MOXD1: variants seen among roughly 807,000 people sequenced by gnomAD.
MOXD1 encodes monooxygenase DBH like 1, also known as DBH-like monooxygenase protein 1.
MOXD1 carries 62 observed loss-of-function variants against 66.6 expected under a neutral mutation model. The observed-to-expected ratio is 0.93, with a 90% CI of 0.76 to 1.15. The LOEUF is 1.15. Among genes scored for constraint, MOXD1 ranks in the 50% most tolerant of loss-of-function variants. MOXD1 has a pLI of 0.00. For synonymous variants in MOXD1, 303 were observed against 281.9 expected, an observed-to-expected ratio of 1.07 and a Z score of -0.75; for missense variants, 847 against 754.6, an observed-to-expected ratio of 1.12 and a Z score of -1.44.
At chr6:132,349,736 C>A (rs1246066996) in intron 4 of MOXD1, among the ~76,000 whole-genome samples, 1 of 151,870 alleles carries the variant, frequency 6.6e-6, no homozygotes, top group Non-Finnish European at 1.5e-5. Flanking sequence ...TACATTCCCA[C>A]CAGCAGTGTA....
At chr6:132,388,346 A>G (rs1017586679) in intron 1 of MOXD1, among the ~76,000 whole-genome samples, 4 of 151,486 alleles carry the variant, frequency 2.6e-5, no homozygotes, top group Non-Finnish European at 5.9e-5. Context: ...GGGCCACACA[A>G]TGAATAAGCA....
chr6:132,325,212 A>G (rs1036773758), intron 6 of MOXD1: 1 of 152,190 alleles, frequency 6.6e-6, no homozygotes, highest in Non-Finnish European at 1.5e-5. Context: ...CAGGGTCATC[A>G]CAAGGAAGCA....
At chr6:132,363,371 T>A (rs1776053809) in intron 4 of MOXD1, among the ~76,000 whole-genome samples, 1 of 152,130 alleles carries the variant, frequency 6.6e-6, no homozygotes. Context: ...TGTATATCTG[T>A]TATACCTCAA....
At chr6:132,382,978 T>G (rs189565428) in intron 1 of MOXD1, among the ~76,000 whole-genome samples, 272 of 152,290 alleles carry the variant, frequency 1.8e-3, no homozygotes, top group Middle Eastern at 6.8e-3. Context: ...AAGTAAAAAC[T>G]CTTACGGGTA....
At chr6:132,378,577 C>T (rs891507112) in intron 1 of MOXD1, among the ~76,000 whole-genome samples, 2 of 151,930 alleles carry the variant, frequency 1.3e-5, no homozygotes, top group African/African-American at 4.8e-5. Context: ...AATGGAGAAA[C>T]ATCACAATAG....
At chr6:132,344,959 G>A (rs763603343) in intron 4 of MOXD1, among the ~76,000 whole-genome samples, 11 of 152,116 alleles carry the variant, frequency 7.2e-5, no homozygotes, top group East Asian at 3.8e-4. Flanking sequence ...CCCAGGACCC[G>A]CCAAACAGCA....
intron 11 of MOXD1, 47 bp from the exon 12 acceptor site, chr6:132,297,364 C>A: frequency 6.3e-7 from 1 of 1,589,930 alleles, no homozygotes; most frequent in South Asian, 1.1e-5. Flanking sequence ...TGATTTAAGG[C>A]AGCACAGTGA....
At chr6:132,336,488 G>A (rs181436308) in intron 4 of MOXD1, among the ~76,000 whole-genome samples, 37 of 152,268 alleles carry the variant, frequency 2.4e-4, no homozygotes, top group African/African-American at 6.5e-4. Flanking sequence ...GTCTCCTGCC[G>A]TATCCTCATC....
intron 11 of MOXD1, among the ~76,000 whole-genome samples, 160 bp from the exon 12 acceptor site, chr6:132,297,477 G>A (rs888270848): frequency 3.3e-5 from 5 of 152,088 alleles, no homozygotes; most frequent in African/African-American, 1.2e-4. Flanking sequence ...GGGTTAAGGA[G>A]GAAACAGAAA....
chr6:132,388,103 C>T (rs923397790), intron 1 of MOXD1, among the ~76,000 whole-genome samples: 1 of 151,424 alleles, frequency 6.6e-6, no homozygotes, highest in East Asian at 1.9e-4. Flanking sequence ...GACCTTTCCC[C>T]TAAGTTCAAA....
In MOXD1 at chr6:132,349,372, TATATACATGTATATATATATACAC is replaced by T. The variant is rs1355568636; in HGVS notation, c.664-20802_664-20779del. On this transcript the variant is annotated intron_variant, in intron 4 of 11. Transcript: ENST00000367963. Reference sequence around the variant, plus strand: ...ATATAGATATATTCCATCATATATATATATACATGTATATATATATACACATATATATACATATATATATATATA... The same window carrying T: ...ATATAGATATATTCCATCATATATATATATATATACATATATATATATATA... Among the ~76,000 whole-genome samples, 46 of 135,102 alleles carry T rather than the reference TATATACATGTATATATATATACAC, an allele frequency of 3.4e-4. 2 individuals carry two copies. Among genetic ancestry groups the T allele is most frequent in the African/African-American group, 4.5e-4 (16 of 35,170 alleles). 88.6% of individuals were successfully genotyped at this position (135,102 alleles called of 152,430 possible). A position where few individuals can be genotyped will look rare whatever the true frequency, so the allele number is the denominator to read the frequency against.
chr6:132,376,857 C>T (rs1399603080), intron 1 of MOXD1, among the ~76,000 whole-genome samples: 2 of 152,330 alleles, frequency 1.3e-5, no homozygotes, highest in East Asian at 3.9e-4. Context: ...ACACCTGTTA[C>T]ATGTATTAAC....
chr6:132,375,750 A>G (rs1776366467), intron 1 of MOXD1, among the ~76,000 whole-genome samples: 1 of 152,204 alleles, frequency 6.6e-6, no homozygotes, highest in Admixed American at 6.5e-5. Flanking sequence ...GAGGCAGACC[A>G]GTGCAGTGGA....
rs543777738 is a variant in MOXD1, at chr6:132,400,413, CT to C, written c.264+749del. Reference sequence around the variant, plus strand: ...TGGTCATCTCACAATCTTCTTCTTCCTTTTTTTTTTTCTTTCTATTTAGTAA... The same window carrying C: ...TGGTCATCTCACAATCTTCTTCTTCCTTTTTTTTTTCTTTCTATTTAGTAA... On this transcript the variant is annotated intron_variant, in intron 1 of 11. Transcript: ENST00000367963. Among the ~76,000 whole-genome samples the C allele has an allele frequency of 3.4e-3, 504 of 147,270 alleles. 5 individuals carry two copies. Among genetic ancestry groups the C allele is most frequent in the African/African-American group, 0.011 (462 of 40,408 alleles).
intron 10 of MOXD1, among the ~76,000 whole-genome samples, chr6:132,299,174 A>G (rs1774474559): frequency 6.6e-6 from 1 of 152,196 alleles, no homozygotes; most frequent in African/African-American, 2.4e-5. Context: ...TTACACAGGA[A>G]CAGAAAACCA....
At chr6:132,334,164 T>C (rs1230946630) in intron 4 of MOXD1, among the ~76,000 whole-genome samples, 1 of 152,224 alleles carries the variant, frequency 6.6e-6, no homozygotes, top group Non-Finnish European at 1.5e-5. Flanking sequence ...AACTATTTAT[T>C]GAATTGAAAT....
chr6:132,348,523 C>A (rs547784153), intron 4 of MOXD1, among the ~76,000 whole-genome samples: 1 of 152,064 alleles, frequency 6.6e-6, no homozygotes, highest in Non-Finnish European at 1.5e-5. Flanking sequence ...TTAAGTTAAG[C>A]CTAAAATAAC....
chr6:132,296,946 G>C lies in MOXD1; in HGVS notation c.*207C>G. On this transcript the variant is annotated 3_prime_UTR_variant, in exon 12 of 12. Coordinates refer to ENST00000367963, the MANE Select transcript of MOXD1 (RefSeq NM_015529.4). The stretch of plus-strand genomic sequence containing the variant: ...AGGCCAGTTTTATTTTATTGACCAT[G>C]TATATATAACATCAGATATTTCTAA... The C allele has an allele frequency of 4.4e-6, 2 of 455,558 alleles. No homozygotes were observed. Among genetic ancestry groups the C allele is most frequent in the Non-Finnish European group, 7.7e-6 (2 of 258,284 alleles). The allele number at this position is 455,558 out of a possible 1,614,324, so 28.2% of individuals were successfully genotyped here.
Position 132,353,161 on chromosome 6 carries a change from G to A in MOXD1, c.663+19447C>T, listed in dbSNP as rs138167998. 6.7e-3 allele frequency among the ~76,000 whole-genome samples: 1,020 copies of A among 152,278 alleles called. 41 individuals are homozygous for A. Among genetic ancestry groups the A allele is most frequent in the Admixed American group, 0.064 (975 of 15,282 alleles). The stretch of plus-strand genomic sequence containing the variant: ...ATTCAATGTAGTATTGAGATGTAAG[G>A]TATCATTGCATTCATTGTGCTATTT... On this transcript the variant is annotated intron_variant, in intron 4 of 11. Coordinates refer to ENST00000367963, the MANE Select transcript of MOXD1 (RefSeq NM_015529.4).
Sources: allele counts gnomAD v4.1 joint callset (sites outside exome capture counted in the v4.1 genomes callset), GRCh38; gene constraint gnomAD v4.1.1; transcripts MANE v1.5; gene names NCBI Gene and HGNC (gene_info 2026-07-23, HGNC 2026-07-21).